The following ZBTB20 variants were observed in gnomAD, a reference collection of about 807,000 sequenced individuals.
ZBTB20 encodes the protein zinc finger and BTB domain-containing protein 20.
ZBTB20 carries 9 observed loss-of-function variants against 56.9 expected under a neutral mutation model. The observed-to-expected ratio is 0.16, with a 90% CI of 0.10 to 0.28. ZBTB20 has a LOEUF of 0.28. Among genes scored for constraint, ZBTB20 ranks in the 10% least tolerant of loss-of-function variants. The probability of loss-of-function intolerance (pLI) is 1.00; values close to 1 mark genes in which losing one functional copy is unlikely to be tolerated. For missense variants in ZBTB20, 655 were observed against 1,003.0 expected (o/e 0.65, Z 4.69); for synonymous variants, 417 against 420.7 (o/e 0.99, Z 0.11).
intron 5 of ZBTB20, among the ~76,000 whole-genome samples, chr3:114,756,067 C>A (rs1334006916): frequency 6.6e-6 from 1 of 151,928 alleles, no homozygotes; most frequent in Non-Finnish European, 1.5e-5. Flanking sequence ...ATTTCTAATT[C>A]ATGTATTTTG....
chr3:114,447,546 C>T (rs2091343222), intron 7 of ZBTB20, among the ~76,000 whole-genome samples: 1 of 152,144 alleles, frequency 6.6e-6, no homozygotes. Flanking sequence ...CCCTAGTGCT[C>T]CCCTGCACTG....
intron 10 of ZBTB20, among the ~76,000 whole-genome samples, chr3:114,354,487 T>C (rs1347751743): frequency 6.6e-6 from 1 of 152,182 alleles, no homozygotes; most frequent in Admixed American, 6.5e-5. Flanking sequence ...CATGTAGTGT[T>C]TGACTGTGTA....
At chr3:114,349,484 A>G (rs1209923078) in intron 11 of ZBTB20, among the ~76,000 whole-genome samples, 2 of 152,194 alleles carry the variant, frequency 1.3e-5, no homozygotes, top group Non-Finnish European at 2.9e-5. Context: ...TGTGTACAAA[A>G]TCCCTAAAAA....
chr3:114,414,254 T>C (rs150079282), intron 7 of ZBTB20, among the ~76,000 whole-genome samples: 1 of 152,220 alleles, frequency 6.6e-6, no homozygotes, highest in East Asian at 1.9e-4. Context: ...GGTACTACAA[T>C]AGAAGTAATA....
intron 4 of ZBTB20, among the ~76,000 whole-genome samples, chr3:114,867,967 CTTTG>C (rs1231538495): frequency 2.0e-5 from 3 of 152,244 alleles, no homozygotes; most frequent in African/African-American, 7.2e-5. Context: ...TTCTGAATAA[CTTTG>C]TTTAGTTAGA....
At chr3:114,687,838 G>A (rs1330295459) in intron 6 of ZBTB20, 1 of 152,148 alleles carries the variant, frequency 6.6e-6, no homozygotes, top group Non-Finnish European at 1.5e-5. Context: ...AGGCTCTTAA[G>A]AGTCCACTAA....
intron 2 of ZBTB20, among the ~76,000 whole-genome samples, chr3:115,060,302 A>G (rs1471167799): frequency 1.3e-5 from 2 of 152,188 alleles, no homozygotes; most frequent in Non-Finnish European, 2.9e-5. Flanking sequence ...CTACCTCAAA[A>G]TGATTATGAA....
At chr3:114,541,520 C>A (rs1310922093) in intron 6 of ZBTB20, among the ~76,000 whole-genome samples, 1 of 152,022 alleles carries the variant, frequency 6.6e-6, no homozygotes, top group East Asian at 1.9e-4. Flanking sequence ...TGAGTGATAA[C>A]CATATTCCTG....
At chr3:115,004,155 G>A (rs114001931) in intron 2 of ZBTB20, among the ~76,000 whole-genome samples, 14 of 151,598 alleles carry the variant, frequency 9.2e-5, no homozygotes, top group Non-Finnish European at 7.4e-5. Context: ...AGATCTGCTC[G>A]TGGTTTCAAT....
intron 5 of ZBTB20, 97 bp from the exon 6 acceptor site, chr3:114,693,672 T>A (rs2062828304): frequency 6.6e-6 from 1 of 152,120 alleles, no homozygotes; most frequent in Non-Finnish European, 1.5e-5. Context: ...ATTCCTCACT[T>A]TGGGATACTG....
chr3:114,648,989 G>C (rs968369722), intron 6 of ZBTB20, among the ~76,000 whole-genome samples: 9 of 151,964 alleles, frequency 5.9e-5, no homozygotes, highest in Admixed American at 2.6e-4. Flanking sequence ...TAAATAAAAT[G>C]ATCCTCGTTG....
intron 7 of ZBTB20, among the ~76,000 whole-genome samples, chr3:114,443,155 C>T (rs535894026): frequency 7.9e-5 from 12 of 152,130 alleles, no homozygotes; most frequent in Non-Finnish European, 1.5e-4. Flanking sequence ...AACACAGATT[C>T]AGGTGCTCTC....
intron 5 of ZBTB20, among the ~76,000 whole-genome samples, chr3:114,794,216 G>C (rs1341466759): frequency 6.6e-6 from 1 of 151,934 alleles, no homozygotes; most frequent in Non-Finnish European, 1.5e-5. Flanking sequence ...GTGGTAGCAA[G>C]GATTACAGAC....
At chr3:114,353,704 G>A (rs1299192769) in intron 10 of ZBTB20, among the ~76,000 whole-genome samples, 1 of 152,126 alleles carries the variant, frequency 6.6e-6, no homozygotes, top group Non-Finnish European at 1.5e-5. Context: ...TGCTGAGTTC[G>A]CCATACATAC....
chr3:115,031,778 CA>C (rs1175972224), intron 2 of ZBTB20, among the ~76,000 whole-genome samples: 1 of 151,330 alleles, frequency 6.6e-6, no homozygotes, highest in Non-Finnish European at 1.5e-5. Flanking sequence ...CATTTAGTGT[CA>C]ATTGATATTA....
At chr3:114,819,735 TA>T (rs1320841329) in intron 4 of ZBTB20, among the ~76,000 whole-genome samples, 1 of 151,792 alleles carries the variant, frequency 6.6e-6, no homozygotes, top group African/African-American at 2.4e-5. Context: ...TCAAGCTATT[TA>T]AAAAAGAAGA....
At chr3:114,444,913 A>G (rs752955369) in intron 7 of ZBTB20, among the ~76,000 whole-genome samples, 7 of 152,112 alleles carry the variant, frequency 4.6e-5, no homozygotes, top group African/African-American at 7.2e-5. Flanking sequence ...ATTGTAATAT[A>G]TATGTATTTT....
intron 10 of ZBTB20, among the ~76,000 whole-genome samples, chr3:114,360,765 C>T (rs2081780855): frequency 6.6e-6 from 1 of 152,002 alleles, no homozygotes; most frequent in Admixed American, 6.6e-5. Context: ...TGTTGGATGA[C>T]TGGTTAAAAT....
At chr3:114,625,743 G>T (rs1335980893) in intron 6 of ZBTB20, among the ~76,000 whole-genome samples, 1 of 152,092 alleles carries the variant, frequency 6.6e-6, no homozygotes, top group Non-Finnish European at 1.5e-5. Flanking sequence ...ATCAAGAAGT[G>T]ATGCTCCCAC....
Sources: allele counts gnomAD v4.1 joint callset (sites outside exome capture counted in the v4.1 genomes callset), GRCh38; gene constraint gnomAD v4.1.1; transcripts MANE v1.5; gene names NCBI Gene and HGNC (gene_info 2026-07-23, HGNC 2026-07-21).